USP43: variants seen among roughly 807,000 people sequenced by gnomAD.
USP43 encodes ubiquitin carboxyl-terminal hydrolase 43.
Under a neutral mutation model 90.7 loss-of-function variants are expected in USP43, and 33 were observed. That is an observed-to-expected ratio of 0.36 (90% CI 0.28 to 0.49). The LOEUF is 0.49. USP43 is among the 20% of genes least tolerant of loss of function. USP43 has a pLI of 0.98. For synonymous variants in USP43, 598 were observed against 615.8 expected (o/e 0.97, Z 0.43); for missense variants, 1,274 against 1,476.4 (o/e 0.86, Z 2.25).
intron 2 of USP43, 89 bp downstream of exon 2, chr17:9,656,623 T>C: frequency 6.8e-7 from 1 of 1,460,350 alleles, no homozygotes; most frequent in Non-Finnish European, 9.1e-7. Flanking sequence ...AATCTTGAAA[T>C]TGAGATTCTT....
chr17:9,711,574 C>A (rs868712239), intron 13 of USP43, among the ~76,000 whole-genome samples: 4 of 152,024 alleles, frequency 2.6e-5, no homozygotes, highest in African/African-American at 4.8e-5. Flanking sequence ...GATTTACAGG[C>A]GCCCACCACC....
chr17:9,715,725 G>C (rs1219763393), intron 14 of USP43, among the ~76,000 whole-genome samples: 1 of 114,756 alleles, frequency 8.7e-6, no homozygotes, highest in African/African-American at 4.9e-5. Flanking sequence ...GTGTGTATGT[G>C]TGTGTGTGTG....
chr17:9,695,586 G>A (rs559347023), intron 9 of USP43, among the ~76,000 whole-genome samples: 1 of 152,218 alleles, frequency 6.6e-6, no homozygotes, highest in South Asian at 2.1e-4. Context: ...ACCCACCTCA[G>A]CCTCCCAAAG....
rs1204462620 is a variant in USP43, at chr17:9,729,666, T to G, written c.*676T>G. 6.6e-6 allele frequency: 1 copy of G among 152,210 alleles called. No individual in the cohort carries two copies. Among genetic ancestry groups the G allele is most frequent in the African/African-American group, 2.4e-5 (1 of 41,452 alleles). The allele number at this position is 152,210 out of a possible 1,614,324, so 9.4% of individuals were successfully genotyped here. The stretch of plus-strand genomic sequence containing the variant: ...TAAATATGAGATCTATGTACAATTT[T>G]AATAAAATCCTGTCCATGAAACACG... On this transcript the variant is annotated 3_prime_UTR_variant, in exon 15 of 15. Transcript: ENST00000285199.
At position 9,727,983 on chromosome 17, in the gene USP43, G is replaced by C. The variant is rs766191747; in HGVS notation, c.2365G>C (p.Gly789Arg). 8.7e-6 allele frequency: 14 copies of C among 1,610,524 alleles called. No homozygotes were observed. The highest frequency in any genetic ancestry group is 1.2e-5 in the Non-Finnish European group (14 of 1,177,190). Residue 789 changes from glycine (G) to arginine (R), a missense_variant, in exon 15 of 15, where the codon GGC becomes CGC. Around this residue, in one of 6 missense-constraint regions of USP43, gnomAD observed 285 missense variants for 349.6 expected, o/e 0.82. Coordinates refer to ENST00000285199, the MANE Select transcript of USP43 (RefSeq NM_153210.5). ...GGLEPRRLVRGVKGRSISMKA... is the reference protein window; with the variant it reads ...GGLEPRRLVRRVKGRSISMKA... ...GTTGGAGCCCAGGCGTTTGGTACGG[G>C]GCGTGAAAGGCAGAAGCATTAGCAT...
At chr17:9,675,053 C>T in intron 4 of USP43, 70 bp downstream of exon 4, 3 of 1,342,314 alleles carry the variant, frequency 2.2e-6, no homozygotes, top group Non-Finnish European at 3.2e-6. Context: ...AAGCTTCTGG[C>T]CTCACACCTG....
At chr17:9,666,199 C>T (rs528196948) in intron 2 of USP43, among the ~76,000 whole-genome samples, 40 of 152,288 alleles carry the variant, frequency 2.6e-4, no homozygotes, top group Non-Finnish European at 5.4e-4. Flanking sequence ...GTGAAACTGA[C>T]TCCTGAGAAA....
chr17:9,686,938 T>TGTGC lies in USP43; in HGVS notation c.1353+34_1353+37dup, dbSNP rs764723657. The stretch of plus-strand genomic sequence containing the variant: ...AGTGGTGTGCATGCGTGTGTGTGTG[T>TGTGC]GTGCGTGCATGCGCATGTGCATGCG... On this transcript the variant is annotated intron_variant, in intron 8 of 14. Coordinates refer to ENST00000285199, the MANE Select transcript of USP43 (RefSeq NM_153210.5). The surrounding 1 kb of genome is among the most constrained non-coding windows in gnomAD (Gnocchi z 5.5). The TGTGC allele has an allele frequency of 1.3e-5, 21 of 1,581,054 alleles. No individual in the cohort carries two copies. Among genetic ancestry groups the TGTGC allele is most frequent in the Non-Finnish European group, 1.7e-5 (20 of 1,154,034 alleles).
chr17:9,675,699 C>T (rs953704955), intron 4 of USP43, among the ~76,000 whole-genome samples: 1 of 152,208 alleles, frequency 6.6e-6, no homozygotes, highest in Non-Finnish European at 1.5e-5. Flanking sequence ...GACATAACAT[C>T]TTCAGAGGGC....
intron 14 of USP43, among the ~76,000 whole-genome samples, chr17:9,725,793 G>T (rs1010875794): frequency 6.6e-6 from 1 of 152,076 alleles, no homozygotes; most frequent in African/African-American, 2.4e-5. Flanking sequence ...CCACCTGCCG[G>T]GGCTCCAGGC....
chr17:9,657,782 GC>G (rs1912367824), intron 2 of USP43, among the ~76,000 whole-genome samples: 1 of 152,114 alleles, frequency 6.6e-6, no homozygotes, highest in African/African-American at 2.4e-5. Flanking sequence ...CTCCCACCAG[GC>G]CCTCCCTCCA....
rs752078298 is a variant in USP43 at position 9,701,318 on chromosome 17, G to A, written c.1663-34G>A. On this transcript the variant is annotated intron_variant, in intron 11 of 14. Coordinates refer to ENST00000285199, the MANE Select transcript of USP43 (RefSeq NM_153210.5). This position sits in a 1 kb window ranked among gnomAD's most constrained non-coding sequence, Gnocchi z 7.2. ...CTTTGGTGGGTTGGCCACGTGCTGC[G>A]GGGGCCTCACAGTCCGGGTGGTTTG... 4.6e-5 allele frequency: 73 copies of A among 1,587,558 alleles called. No individual in the cohort carries two copies. The highest frequency in any genetic ancestry group is 3.3e-4 in the Middle Eastern group (2 of 6,052).
intron 2 of USP43, among the ~76,000 whole-genome samples, chr17:9,661,668 T>G (rs1912649257): frequency 6.6e-6 from 1 of 152,176 alleles, no homozygotes; most frequent in South Asian, 2.1e-4. Flanking sequence ...TCCTTTGTGA[T>G]TTTAATGGTA....
At chr17:9,664,635 GA>G (rs1912888287) in intron 2 of USP43, among the ~76,000 whole-genome samples, 1 of 146,254 alleles carries the variant, frequency 6.8e-6, no homozygotes, top group South Asian at 2.1e-4. Context: ...GCCTTGCATA[GA>G]TTTTTTTTTT....
chr17:9,713,761 G>A (rs1916337355), intron 14 of USP43, among the ~76,000 whole-genome samples: 1 of 152,212 alleles, frequency 6.6e-6, no homozygotes, highest in Non-Finnish European at 1.5e-5. Context: ...AATAGTCAAG[G>A]ATGACTCCTT....
intron 9 of USP43, among the ~76,000 whole-genome samples, chr17:9,693,879 C>A (rs941854042): frequency 1.3e-5 from 2 of 152,082 alleles, no homozygotes; most frequent in Non-Finnish European, 2.9e-5. Flanking sequence ...GAAATTCTTT[C>A]AATTAGGTCA....
At chr17:9,670,564 G>A (rs1213460105) in intron 3 of USP43, among the ~76,000 whole-genome samples, 1 of 152,126 alleles carries the variant, frequency 6.6e-6, no homozygotes, top group African/African-American at 2.4e-5. Context: ...TTGCTAACGG[G>A]GTGAGGGGTA....
At chr17:9,693,002 G>A (rs1224472463) in intron 8 of USP43, 125 bp from the exon 9 acceptor site, 11 of 751,190 alleles carry the variant, frequency 1.5e-5, no homozygotes, top group African/African-American at 3.6e-5. Context: ...TAATTATTAC[G>A]GGAATATTCA....
At chr17:9,699,630 A>C (rs1363037207) in intron 9 of USP43, among the ~76,000 whole-genome samples, 2 of 152,114 alleles carry the variant, frequency 1.3e-5, no homozygotes, top group East Asian at 3.9e-4. Flanking sequence ...ATTGAGGCTG[A>C]TCCACCGTTT....
Sources: gnomAD v4.1 joint callset for allele counts (sites outside exome capture counted in the v4.1 genomes callset) on GRCh38, gnomAD v4.1.1 for gene constraint, gnomAD v4.1.1 regional missense constraint, Gnocchi (gnomAD v3.1) non-coding constraint, MANE v1.5 for transcripts, NCBI Gene and HGNC (gene_info 2026-07-23, HGNC 2026-07-21) for gene names.